Variants in GALNT18 observed in about 807,000 individuals in gnomAD.
The protein encoded by GALNT18 is polypeptide N-acetylgalactosaminyltransferase 18.
A neutral mutation model predicts 69.5 loss-of-function variants in GALNT18; 44 were observed. The observed-to-expected ratio is 0.63, with a 90% CI of 0.50 to 0.81. The LOEUF (loss-of-function observed/expected upper bound fraction) is 0.81, where lower values mean the gene tolerates loss of function less well. GALNT18 is among the 40% of genes least tolerant of loss of function. The pLI, the probability that GALNT18 is intolerant of heterozygous loss-of-function variation, is 0.00. For synonymous variants in GALNT18, 364 were observed against 318.2 expected, an observed-to-expected ratio of 1.14 and a Z score of -1.53; for missense variants, 715 against 810.0, an observed-to-expected ratio of 0.88 and a Z score of 1.42.
chr11:11,536,169 G>A (rs577460616), intron 1 of GALNT18, among the ~76,000 whole-genome samples: 1 of 152,282 alleles, frequency 6.6e-6, no homozygotes, highest in East Asian at 1.9e-4. Flanking sequence ...TTGGACACAT[G>A]GAAAAGACCA....
rs1223115964 is a variant in GALNT18, at chr11:11,540,329, C to T, written c.235+81030G>A. Among the ~76,000 whole-genome samples the T allele has an allele frequency of 4.6e-5, 7 of 152,172 alleles. No individual in the cohort carries two copies. The highest frequency in any genetic ancestry group is 1.0e-4 in the Non-Finnish European group (7 of 68,040). Reference sequence around the variant, plus strand: ...TTTTTCTTCGTCGTTGCCATGGAAACTTGTGACTCCTACATCCCTGATGCT... The same window carrying T: ...TTTTTCTTCGTCGTTGCCATGGAAATTTGTGACTCCTACATCCCTGATGCT... On this transcript the variant is annotated intron_variant, in intron 1 of 10. Coordinates refer to ENST00000227756, the MANE Select transcript of GALNT18 (RefSeq NM_198516.3). This position sits in a 1 kb window ranked among gnomAD's most constrained non-coding sequence, Gnocchi z 4.6.
At chr11:11,411,933 G>A (rs1854739683) in intron 3 of GALNT18, among the ~76,000 whole-genome samples, 1 of 152,192 alleles carries the variant, frequency 6.6e-6, no homozygotes, top group South Asian at 2.1e-4. Context: ...CTGGTTCTGG[G>A]CCATATTGGG....
chr11:11,277,596 T>G (rs1410082016), intron 10 of GALNT18, among the ~76,000 whole-genome samples: 1 of 152,194 alleles, frequency 6.6e-6, no homozygotes, highest in African/African-American at 2.4e-5. Flanking sequence ...GATGTTAGGG[T>G]GTCAATTTTA....
intron 1 of GALNT18, among the ~76,000 whole-genome samples, chr11:11,510,616 G>C (rs1857147209): frequency 6.6e-6 from 1 of 152,170 alleles, no homozygotes; most frequent in Non-Finnish European, 1.5e-5. Flanking sequence ...GCATTTCCTG[G>C]GTCTAACCTG....
chr11:11,524,304 T>C (rs1266048955), intron 1 of GALNT18, among the ~76,000 whole-genome samples: 1 of 152,170 alleles, frequency 6.6e-6, no homozygotes, highest in Non-Finnish European at 1.5e-5. Flanking sequence ...TCTATTTAAT[T>C]TCATGGATTT....
At chr11:11,433,416 G>A (rs1167276776) in intron 2 of GALNT18, among the ~76,000 whole-genome samples, 1 of 152,230 alleles carries the variant, frequency 6.6e-6, no homozygotes, top group Admixed American at 6.5e-5. Context: ...GGGAGCATGA[G>A]GCTCAAAGAG....
chr11:11,585,966 G>A (rs1285052093), intron 1 of GALNT18, among the ~76,000 whole-genome samples: 1 of 152,042 alleles, frequency 6.6e-6, no homozygotes, highest in Non-Finnish European at 1.5e-5. Flanking sequence ...CCTCATGGGT[G>A]GGATTTGTAT....
At chr11:11,499,298 C>A (rs1415175801) in intron 1 of GALNT18, among the ~76,000 whole-genome samples, 1 of 152,220 alleles carries the variant, frequency 6.6e-6, no homozygotes, top group East Asian at 1.9e-4. Context: ...AGTCAATGAG[C>A]CATCAGCGCT....
rs991635083 is a variant in GALNT18 at position 11,601,401 on chromosome 11, G to A, written c.235+19958C>T. On this transcript the variant is annotated intron_variant, in intron 1 of 10. Coordinates refer to ENST00000227756, the MANE Select transcript of GALNT18 (RefSeq NM_198516.3). The surrounding 1 kb of genome is among the most constrained non-coding windows in gnomAD (Gnocchi z 4.0). ...ACCTTAGGCATGTGCACAGTGTCCTGATTCTCCCTATCGAACCCCCTAGGA... is the reference window on the plus strand; with the variant it reads ...ACCTTAGGCATGTGCACAGTGTCCTAATTCTCCCTATCGAACCCCCTAGGA... Among the ~76,000 whole-genome samples, 1 of 152,202 alleles carries A rather than the reference G, an allele frequency of 6.6e-6. No homozygotes were observed.
chr11:11,466,751 T>A (rs1487746842), intron 1 of GALNT18, among the ~76,000 whole-genome samples: 1 of 152,172 alleles, frequency 6.6e-6, no homozygotes, highest in East Asian at 1.9e-4. Flanking sequence ...ATTTTTTCTA[T>A]CAGAGAGGTT....
Position 11,435,586 on chromosome 11 carries a change from A to G in GALNT18, c.429-2799T>C, listed in dbSNP as rs1855380813. Among the ~76,000 whole-genome samples the G allele has an allele frequency of 6.6e-6, 1 of 152,106 alleles. No homozygotes were observed. Among genetic ancestry groups the G allele is most frequent in the African/African-American group, 2.4e-5 (1 of 41,406 alleles). On this transcript the variant is annotated intron_variant, in intron 2 of 10. Coordinates refer to ENST00000227756, the MANE Select transcript of GALNT18 (RefSeq NM_198516.3). The surrounding 1 kb of genome is among the most constrained non-coding windows in gnomAD (Gnocchi z 4.4). ...TAGAATGAAGCCCCCTGAGAGCAGG[A>G]ACTTTGCTTTTGGACTGTGCTGTCT...
chr11:11,517,060 T>C (rs565011177), intron 1 of GALNT18, among the ~76,000 whole-genome samples: 1 of 152,370 alleles, frequency 6.6e-6, no homozygotes, highest in Non-Finnish European at 1.5e-5. Context: ...CCTTCAGCCA[T>C]GTGAGGACAC....
At chr11:11,349,935 GA>G (rs900378377) in intron 6 of GALNT18, among the ~76,000 whole-genome samples, 3 of 143,440 alleles carry the variant, frequency 2.1e-5, no homozygotes, top group African/African-American at 5.0e-5. Flanking sequence ...TTGCTGCTTG[GA>G]AAAAAAAATG....
chr11:11,562,454 G>A lies in GALNT18; in HGVS notation c.235+58905C>T, dbSNP rs1448192173. On this transcript the variant is annotated intron_variant, in intron 1 of 10. Transcript: ENST00000227756. The surrounding 1 kb of genome is among the most constrained non-coding windows in gnomAD (Gnocchi z 4.1). The stretch of plus-strand genomic sequence containing the variant: ...GGTTACATTCTGAGGTATTAGGGGT[G>A]AGGACTCCAAAATATTGTTTTAGGG... Among the ~76,000 whole-genome samples the A allele has an allele frequency of 6.6e-6, 1 of 152,074 alleles. No homozygotes were observed. The highest frequency in any genetic ancestry group is 2.4e-5 in the African/African-American group (1 of 41,378).
At chr11:11,431,377 G>T (rs1855259840) in intron 3 of GALNT18, among the ~76,000 whole-genome samples, 1 of 152,070 alleles carries the variant, frequency 6.6e-6, no homozygotes, top group Non-Finnish European at 1.5e-5. Flanking sequence ...CCGTTTTTTG[G>T]GTCCCAGGCT....
At chr11:11,478,329 A>C (rs1226750575) in intron 1 of GALNT18, among the ~76,000 whole-genome samples, 1 of 152,252 alleles carries the variant, frequency 6.6e-6, no homozygotes, top group Non-Finnish European at 1.5e-5. Context: ...ATTTTCAGAC[A>C]TGCAAAGGCA....
At chr11:11,581,274 A>G (rs1354678845) in intron 1 of GALNT18, among the ~76,000 whole-genome samples, 2 of 152,214 alleles carry the variant, frequency 1.3e-5, no homozygotes, top group Non-Finnish European at 2.9e-5. Flanking sequence ...TACAACAGGC[A>G]GGCCTCACAG....
At chr11:11,517,464 G>A (rs963942069) in intron 1 of GALNT18, among the ~76,000 whole-genome samples, 1 of 151,956 alleles carries the variant, frequency 6.6e-6, no homozygotes, top group Admixed American at 6.5e-5. Context: ...AGGATGCATA[G>A]CAATATATAC....
At chr11:11,556,848 T>C (rs895242887) in intron 1 of GALNT18, among the ~76,000 whole-genome samples, 4 of 152,260 alleles carry the variant, frequency 2.6e-5, no homozygotes, top group Admixed American at 2.0e-4. Flanking sequence ...GTGCATATGA[T>C]AGCCTATAGA....
Sources: allele counts gnomAD v4.1 joint callset (sites outside exome capture counted in the v4.1 genomes callset), GRCh38; gene constraint gnomAD v4.1.1; non-coding constraint Gnocchi (gnomAD v3.1); transcripts MANE v1.5; gene names NCBI Gene and HGNC (gene_info 2026-07-23, HGNC 2026-07-21).